The following MATN2 variants were observed in gnomAD, a reference collection of about 807,000 sequenced individuals.
The protein encoded by MATN2 is matrilin-2.
MATN2 carries 69 observed loss-of-function variants against 103.2 expected under a neutral mutation model. That is an observed-to-expected ratio of 0.67 (90% confidence interval 0.55 to 0.82). The LOEUF is 0.82. MATN2 is among the 40% of genes least tolerant of loss of function. The pLI is 0.00. For synonymous variants in MATN2, 429 were observed against 450.2 expected, an observed-to-expected ratio of 0.95 and a Z score of 0.60; for missense variants, 1,023 against 1,211.5, an observed-to-expected ratio of 0.84 and a Z score of 2.31.
chr8:97,998,650 T>C (rs1468186496), intron 7 of MATN2, among the ~76,000 whole-genome samples: 1 of 150,936 alleles, frequency 6.6e-6, no homozygotes, highest in Non-Finnish European at 1.5e-5. Flanking sequence ...CATATTTTTT[T>C]ATATTTTTAA....
chr8:97,951,899 G>A (rs746152037), intron 4 of MATN2: 3 of 152,158 alleles, frequency 2.0e-5, no homozygotes, highest in African/African-American at 7.2e-5. Context: ...CAACTGCTGC[G>A]GGAAAGGAGG....
chr8:97,963,133 C>CAAAA lies in MATN2; in HGVS notation c.958+1606_958+1607insAAAA, dbSNP rs1395196860. On this transcript the variant is annotated intron_variant, in intron 5 of 18. Coordinates refer to ENST00000254898, the MANE Select transcript of MATN2 (RefSeq NM_002380.5). The stretch of plus-strand genomic sequence containing the variant: ...CTGGGTGACAGAGCGAGACTCATCT[C>CAAAA]AAACAAACAAACAAATAAACAAAAA... 6.6e-5 allele frequency among the ~76,000 whole-genome samples: 10 copies of CAAAA among 152,192 alleles called. No individual in the cohort carries two copies. In the East Asian group the frequency reaches 1.7e-3, roughly 26 times the overall value.
rs371424739 is a variant in MATN2, at chr8:97,951,540, G to T, written c.835+9641G>T. Among the ~76,000 whole-genome samples, 7 of 152,224 alleles carry T rather than the reference G, an allele frequency of 4.6e-5. No individual in the cohort carries two copies. The East Asian group carries it at 1.2e-3, about 25-fold the overall frequency. The stretch of plus-strand genomic sequence containing the variant: ...CACTGAATCAGGACCTCTGGAACTG[G>T]GGCCCAGGAATGTGGGTTTTCCCAA... On this transcript the variant is annotated intron_variant, in intron 4 of 18. Transcript: ENST00000254898.
chr8:97,988,628 G>A (rs953073324), intron 6 of MATN2, among the ~76,000 whole-genome samples: 1 of 151,882 alleles, frequency 6.6e-6, no homozygotes, highest in African/African-American at 2.4e-5. Context: ...TCTCTCCCCA[G>A]ACCGACCAAA....
intron 4 of MATN2, among the ~76,000 whole-genome samples, chr8:97,944,090 A>G (rs1463757286): frequency 1.3e-5 from 2 of 152,104 alleles, no homozygotes; most frequent in African/African-American, 4.8e-5. Context: ...CTTCAGACAG[A>G]CTGACCAGGG....
In MATN2 at chr8:97,988,189, T is replaced by TATATATATAC. The variant is rs71570279; in HGVS notation, c.1082-6290_1082-6289insTATATATACA. Among the ~76,000 whole-genome samples, 117 of 54,806 alleles carry TATATATATAC rather than the reference T, an allele frequency of 2.1e-3. 1 individual carries two copies. Among genetic ancestry groups the TATATATATAC allele is most frequent in the Admixed American group, 0.013 (56 of 4,292 alleles). 36.0% of individuals were successfully genotyped at this position (54,806 alleles called of 152,430 possible). A position where few individuals can be genotyped will look rare whatever the true frequency, so the allele number is the denominator to read the frequency against. On this transcript the variant is annotated intron_variant, in intron 6 of 18. Coordinates refer to ENST00000254898, the MANE Select transcript of MATN2 (RefSeq NM_002380.5). ...AAAAAAAAATATATATATATATATA[T>TATATATATAC]ACACACACACACATATGTATACACA...
intron 14 of MATN2, among the ~76,000 whole-genome samples, chr8:98,028,578 T>C (rs976545324): frequency 6.6e-6 from 1 of 151,950 alleles, no homozygotes; most frequent in Non-Finnish European, 1.5e-5. Context: ...TGTGAACTAG[T>C]TTGCTTGAAA....
chr8:97,877,278 G>T (rs1327430779), intron 1 of MATN2, among the ~76,000 whole-genome samples: 1 of 151,882 alleles, frequency 6.6e-6, no homozygotes, highest in Non-Finnish European at 1.5e-5. Flanking sequence ...GGGAGTTTGA[G>T]ACCTGCCTGA....
chr8:98,014,116 G>GA (rs796132209), intron 10 of MATN2, among the ~76,000 whole-genome samples: 1 of 151,536 alleles, frequency 6.6e-6, no homozygotes, highest in African/African-American at 2.4e-5. Flanking sequence ...TCAAAAAAAA[G>GA]AAAAAAAAGA....
intron 7 of MATN2, among the ~76,000 whole-genome samples, chr8:97,996,715 C>T (rs890303732): frequency 2.0e-5 from 3 of 152,128 alleles, no homozygotes; most frequent in East Asian, 1.9e-4. Context: ...CAGCTGTAAA[C>T]GGAAGCGAGT....
intron 13 of MATN2, among the ~76,000 whole-genome samples, chr8:98,026,967 T>TC: frequency 6.6e-6 from 1 of 152,214 alleles, no homozygotes; most frequent in Non-Finnish European, 1.5e-5. Context: ...CTAGGAAGGC[T>TC]CCCCAGCAGA....
At chr8:97,928,999 T>C (rs1369486244) in intron 2 of MATN2, among the ~76,000 whole-genome samples, 1 of 152,202 alleles carries the variant, frequency 6.6e-6, no homozygotes, top group Non-Finnish European at 1.5e-5. Context: ...AGGTTTCATA[T>C]AGATCTTATC....
chr8:97,994,496 C>A lies in MATN2; in HGVS notation c.1098C>A (p.Ala366=). 6.2e-7 allele frequency: 1 copy of A among 1,612,120 alleles called. No homozygotes were observed. The highest frequency in any genetic ancestry group is 1.1e-5 in the South Asian group (1 of 90,570). The change falls in exon 7 of 19, where the codon GCC becomes GCA. Residue 366 remains alanine (A), a synonymous_variant. Transcript: ENST00000254898. ...KKTCTKIDYC[A]SSNHGCQHEC... is the part of the protein sequence containing the mutation. ...TCTTGCCAGAGATAGACTACTGTGC[C>A]TCATCTAATCACGGATGTCAGCACG...
At chr8:98,006,258 T>C (rs190115883) in intron 8 of MATN2, among the ~76,000 whole-genome samples, 16 of 152,308 alleles carry the variant, frequency 1.1e-4, no homozygotes, top group East Asian at 3.9e-4. Context: ...AAAATAGAAA[T>C]TGATTTCATG....
intron 5 of MATN2, among the ~76,000 whole-genome samples, chr8:97,973,395 T>C (rs1811722246): frequency 6.6e-6 from 1 of 152,152 alleles, no homozygotes; most frequent in South Asian, 2.1e-4. Context: ...TGTGGTTAGC[T>C]GATAAATGGA....
intron 2 of MATN2, among the ~76,000 whole-genome samples, chr8:97,893,405 C>T (rs540902030): frequency 6.6e-6 from 1 of 152,230 alleles, no homozygotes; most frequent in Non-Finnish European, 1.5e-5. Flanking sequence ...GGCATGCTGC[C>T]CCACTGCTAA....
chr8:98,008,942 C>T (rs575070817), intron 10 of MATN2, among the ~76,000 whole-genome samples: 4 of 144,828 alleles, frequency 2.8e-5, no homozygotes, highest in Non-Finnish European at 5.9e-5. Flanking sequence ...GAATCAGGTG[C>T]CCCTTCCTCT....
Position 97,962,466 on chromosome 8 carries a change from G to A in MATN2, c.958+936G>A, listed in dbSNP as rs541869397. Among the ~76,000 whole-genome samples the A allele has an allele frequency of 9.7e-4, 148 of 152,340 alleles. 3 individuals are homozygous for A. The highest frequency in any genetic ancestry group is 6.2e-3 in the South Asian group (30 of 4,834). Reference sequence around the variant, plus strand: ...AAAACAAAACAACAACAAAACAAAAGTTAGGTGGTAGCCTGCAATTGGCAG... The same window carrying A: ...AAAACAAAACAACAACAAAACAAAAATTAGGTGGTAGCCTGCAATTGGCAG... On this transcript the variant is annotated intron_variant, in intron 5 of 18. Transcript: ENST00000254898.
chr8:98,021,142 G>T, intron 12 of MATN2, 63 bp from the exon 13 acceptor site: 1 of 1,522,862 alleles, frequency 6.6e-7, no homozygotes, highest in South Asian at 1.2e-5. Flanking sequence ...CTACTCACAT[G>T]ACTATTCAAT....
Sources: allele counts gnomAD v4.1 joint callset (sites outside exome capture counted in the v4.1 genomes callset), GRCh38; gene constraint gnomAD v4.1.1; transcripts MANE v1.5; gene names NCBI Gene and HGNC (gene_info 2026-07-23, HGNC 2026-07-21).